ZNF516: variants seen among roughly 807,000 people sequenced by gnomAD.
ZNF516 encodes zinc finger protein 516.
In ZNF516, 19 loss-of-function variants were observed where a neutral mutation model predicts 79.7. The observed-to-expected ratio is 0.24, with a 90% confidence interval of 0.17 to 0.35. The LOEUF is 0.35. Ranked by LOEUF, ZNF516 falls within the 10% of genes least tolerant of loss-of-function variation. The pLI, the probability that ZNF516 is intolerant of heterozygous loss-of-function variation, is 1.00. For missense variants in ZNF516, 1,678 were observed against 1,679.5 expected, an observed-to-expected ratio of 1.00 and a Z score of 0.02; for synonymous variants, 877 against 739.5, an observed-to-expected ratio of 1.19 and a Z score of -3.02.
chr18:76,357,965 G>GT lies in ZNF516; in HGVS notation c.*4532dup, dbSNP rs1164225525. 6.6e-6 allele frequency among the ~76,000 whole-genome samples: 1 copy of GT among 152,154 alleles called. No homozygotes were observed. Among genetic ancestry groups the GT allele is most frequent in the Non-Finnish European group, 1.5e-5 (1 of 68,034 alleles). On this transcript the variant is annotated 3_prime_UTR_variant, in exon 7 of 7. Coordinates refer to ENST00000443185, the MANE Select transcript of ZNF516 (RefSeq NM_014643.4). ...AACACAGCGTCTCCATTAAAAAACTGTATGTCCTCGAGTCCACAAAAGAGT... is the reference window on the plus strand; with the variant it reads ...AACACAGCGTCTCCATTAAAAAACTGTTATGTCCTCGAGTCCACAAAAGAGT...
intron 3 of ZNF516, among the ~76,000 whole-genome samples, chr18:76,424,644 G>A (rs1282033990): frequency 8.9e-5 from 9 of 100,722 alleles, no homozygotes; most frequent in Admixed American, 5.3e-4. Flanking sequence ...CGAAACACAC[G>A]CAGGTGAAAA....
chr18:76,441,108 G>C (rs1301153094), intron 3 of ZNF516, 137 bp downstream of exon 3: 1 of 1,294,032 alleles, frequency 7.7e-7, no homozygotes, highest in East Asian at 2.6e-5. Context: ...GGTTACCTGA[G>C]CATAGGCCTA....
At chr18:76,448,364 T>C (rs1912190528) in intron 2 of ZNF516, among the ~76,000 whole-genome samples, 1 of 152,344 alleles carries the variant, frequency 6.6e-6, no homozygotes, top group East Asian at 1.9e-4. Context: ...AACTAATCAA[T>C]CCCTTCTGTA....
At chr18:76,490,455 C>T (rs181382023) in intron 1 of ZNF516, among the ~76,000 whole-genome samples, 1 of 152,182 alleles carries the variant, frequency 6.6e-6, no homozygotes, top group Non-Finnish European at 1.5e-5. Context: ...TTATTTTACA[C>T]GGCAGTAGCC....
At chr18:76,494,547 C>T (rs567681940) in intron 1 of ZNF516, among the ~76,000 whole-genome samples, 45 of 151,028 alleles carry the variant, frequency 3.0e-4, no homozygotes, top group African/African-American at 9.7e-4. Flanking sequence ...GGCAAGCAGC[C>T]GGGGAGGGGG....
At chr18:76,474,093 A>T (rs1914039713) in intron 1 of ZNF516, among the ~76,000 whole-genome samples, 1 of 152,204 alleles carries the variant, frequency 6.6e-6, no homozygotes, top group African/African-American at 2.4e-5. Context: ...ACACAAACAC[A>T]GAATAAAATG....
At chr18:76,367,563 T>C (rs1253057953) in intron 6 of ZNF516, among the ~76,000 whole-genome samples, 2 of 152,278 alleles carry the variant, frequency 1.3e-5, no homozygotes, top group Admixed American at 6.5e-5. Flanking sequence ...TCCAGTGGAA[T>C]GTGTTCCTCC....
chr18:76,367,627 T>A (rs2074636101), intron 6 of ZNF516, among the ~76,000 whole-genome samples: 1 of 151,910 alleles, frequency 6.6e-6, no homozygotes, highest in Admixed American at 6.6e-5. Context: ...CCTCCGCCCC[T>A]CCATAGTCTT....
chr18:76,458,860 A>G (rs1470480706), intron 2 of ZNF516, among the ~76,000 whole-genome samples: 1 of 140,894 alleles, frequency 7.1e-6, no homozygotes, highest in Non-Finnish European at 1.6e-5. Flanking sequence ...GCCTGTAGGC[A>G]ATGCCAGGCC....
intron 6 of ZNF516, among the ~76,000 whole-genome samples, chr18:76,369,064 C>T (rs2074661917): frequency 6.6e-6 from 1 of 152,206 alleles, no homozygotes; most frequent in South Asian, 2.1e-4. Flanking sequence ...GGCACTCACT[C>T]CAGTTGTAAC....
intron 3 of ZNF516, among the ~76,000 whole-genome samples, chr18:76,420,348 A>G (rs2075490505): frequency 6.6e-6 from 1 of 151,352 alleles, no homozygotes; most frequent in Admixed American, 6.6e-5. Flanking sequence ...TCTGCTCTCT[A>G]CCCCCGGCCC....
chr18:76,405,907 T>C (rs1435696288), intron 3 of ZNF516, among the ~76,000 whole-genome samples: 2 of 152,026 alleles, frequency 1.3e-5, no homozygotes, highest in African/African-American at 4.8e-5. Context: ...ACCCCATCCG[T>C]CAGGGACCCA....
chr18:76,478,381 T>G (rs1257804135), intron 1 of ZNF516, among the ~76,000 whole-genome samples: 1 of 152,198 alleles, frequency 6.6e-6, no homozygotes, highest in African/African-American at 2.4e-5. Flanking sequence ...TTTCTAGGTT[T>G]TGTAAACTTG....
At chr18:76,366,797 C>T (rs1435485488) in intron 6 of ZNF516, among the ~76,000 whole-genome samples, 3 of 152,190 alleles carry the variant, frequency 2.0e-5, no homozygotes, top group Non-Finnish European at 2.9e-5. Context: ...TTGATTTCCA[C>T]AGCAAGTATA....
chr18:76,459,660 T>C lies in ZNF516; in HGVS notation c.-158+3368A>G, dbSNP rs879358517. The stretch of plus-strand genomic sequence containing the variant: ...CGAGTCAGAGTGGCCCAGCCTCCCC[T>C]GGACCTGATGCGGGGCTTCAGGAAG... On this transcript the variant is annotated intron_variant, in intron 2 of 6. Transcript: ENST00000443185. This position sits in a 1 kb window ranked among gnomAD's most constrained non-coding sequence, Gnocchi z 5.0. Among the ~76,000 whole-genome samples the C allele has an allele frequency of 3.9e-5, 6 of 152,150 alleles. No individual in the cohort carries two copies. Among genetic ancestry groups the C allele is most frequent in the African/African-American group, 7.2e-5 (3 of 41,422 alleles).
At chr18:76,402,657 C>A (rs1422726371) in intron 3 of ZNF516, among the ~76,000 whole-genome samples, 1 of 152,230 alleles carries the variant, frequency 6.6e-6, no homozygotes, top group Admixed American at 6.5e-5. Flanking sequence ...CGCAACAGAT[C>A]TGAACGACTA....
intron 3 of ZNF516, among the ~76,000 whole-genome samples, chr18:76,384,317 C>G (rs1458968360): frequency 7.5e-6 from 1 of 134,072 alleles, no homozygotes; most frequent in African/African-American, 2.9e-5. Context: ...GCCCCCATAC[C>G]CCCTCCACCA....
chr18:76,484,737 T>C (rs1205690558), intron 1 of ZNF516, among the ~76,000 whole-genome samples: 2 of 152,238 alleles, frequency 1.3e-5, no homozygotes, highest in African/African-American at 2.4e-5. Context: ...TCCCAAATTC[T>C]AACTGTAATA....
chr18:76,370,439 G>A, intron 6 of ZNF516, 89 bp downstream of exon 6: 2 of 1,266,282 alleles, frequency 1.6e-6, no homozygotes, highest in Non-Finnish European at 1.1e-6. Flanking sequence ...AAAACAAAAA[G>A]AAGGTCATGC....
Sources: gnomAD v4.1 joint callset for allele counts (sites outside exome capture counted in the v4.1 genomes callset) on GRCh38, gnomAD v4.1.1 for gene constraint, Gnocchi (gnomAD v3.1) non-coding constraint, MANE v1.5 for transcripts, NCBI Gene and HGNC (gene_info 2026-07-23, HGNC 2026-07-21) for gene names.